The following AGGF1 variants were observed in gnomAD, a reference collection of about 807,000 sequenced individuals.
The protein encoded by AGGF1 is angiogenic factor with G-patch and FHA domains 1, also known as angiogenic factor with G patch and FHA domains 1.
A neutral mutation model predicts 86.5 loss-of-function variants in AGGF1; 56 were observed. The observed-to-expected ratio is 0.65, with a 90% confidence interval of 0.52 to 0.81. The LOEUF (loss-of-function observed/expected upper bound fraction) is 0.81, where lower values mean the gene tolerates loss of function less well. AGGF1 is among the 30% of genes least tolerant of loss of function. AGGF1 has a pLI of 0.00. For missense variants in AGGF1, 816 were observed against 850.9 expected, an observed-to-expected ratio of 0.96 and a Z score of 0.51; for synonymous variants, 313 against 297.1, an observed-to-expected ratio of 1.05 and a Z score of -0.55.
In AGGF1 at chr5:77,052,703, A is replaced by G. The variant is rs1048702478; in HGVS notation, c.1366-3A>G. ...TAATAATTGCTTGATTTCACTTTCT[A>G]AGTTTCATGCAGAAATTTATTTTGA... On this transcript the variant is annotated splice_region_variant and splice_polypyrimidine_tract_variant and intron_variant, in intron 8 of 13. Coordinates refer to ENST00000312916, the MANE Select transcript of AGGF1 (RefSeq NM_018046.5). 1.9e-6 allele frequency: 3 copies of G among 1,608,508 alleles called. No individual in the cohort carries two copies. Among genetic ancestry groups the G allele is most frequent in the Non-Finnish European group, 2.6e-6 (3 of 1,175,544 alleles).
chr5:77,046,744 A>C, intron 6 of AGGF1, 67 bp downstream of exon 6: 1 of 1,410,732 alleles, frequency 7.1e-7, no homozygotes, highest in South Asian at 1.2e-5. Context: ...AAAACCATTA[A>C]AAATGTTAGT....
rs575367148 is a variant in AGGF1, at chr5:77,048,318, A to G, written c.1313+46A>G. On this transcript the variant is annotated intron_variant, in intron 7 of 13. Transcript: ENST00000312916. Reference sequence around the variant, plus strand: ...ATATCATTCTTTCAGTTATTTCAGAAAGGCTTTATTAAGAGCATGTATTTT... The same window carrying G: ...ATATCATTCTTTCAGTTATTTCAGAGAGGCTTTATTAAGAGCATGTATTTT... 294 of 1,416,852 alleles carry G rather than the reference A, an allele frequency of 2.1e-4. 3 individuals are homozygous for G. The South Asian group carries it at 3.3e-3, about 16-fold the overall frequency. 87.8% of individuals were successfully genotyped at this position (1,416,852 alleles called of 1,614,324 possible). A position where few individuals can be genotyped will look rare whatever the true frequency, so the allele number is the denominator to read the frequency against.
At chr5:77,061,335 T>A (rs1747561371) in intron 12 of AGGF1, among the ~76,000 whole-genome samples, 1 of 152,212 alleles carries the variant, frequency 6.6e-6, no homozygotes. Context: ...ATTTATTTTG[T>A]GTCTATATTT....
At chr5:77,049,023 A>G (rs1312891543) in intron 8 of AGGF1, 36 bp downstream of exon 8, 2 of 1,596,174 alleles carry the variant, frequency 1.3e-6, no homozygotes, top group Admixed American at 1.7e-5. Context: ...AGTCCCCTAG[A>G]TGTAATTTTT....
At chr5:77,036,832 G>A (rs1444714436) in intron 4 of AGGF1, 112 bp downstream of exon 4, 1 of 1,168,082 alleles carries the variant, frequency 8.6e-7, no homozygotes, top group Non-Finnish European at 1.2e-6. Context: ...TCACCCCCCA[G>A]GTTCAAGTGA....
chr5:77,042,264 C>T (rs112291000), intron 5 of AGGF1, among the ~76,000 whole-genome samples: 33,352 of 143,042 alleles, frequency 0.23, 1,297 homozygotes, highest in Non-Finnish European at 0.26. Context: ...CCCACCTTTC[C>T]CGCCTTTCTA....
intron 10 of AGGF1, 68 bp from the exon 11 acceptor site, chr5:77,055,446 C>A (rs1580135212): frequency 4.1e-6 from 4 of 979,778 alleles, no homozygotes; most frequent in East Asian, 2.6e-5. Context: ...AATTAAATAA[C>A]ATTAGTTTTA....
chr5:77,046,761 T>C, intron 6 of AGGF1, 84 bp downstream of exon 6: 2 of 1,261,626 alleles, frequency 1.6e-6, no homozygotes, highest in Non-Finnish European at 2.3e-6. Context: ...TAGTGAGTTG[T>C]AGTATATCTG....
intron 5 of AGGF1, 91 bp downstream of exon 5, chr5:77,039,810 A>T (rs1376757171): frequency 1.8e-6 from 2 of 1,140,658 alleles, no homozygotes; most frequent in African/African-American, 3.1e-5. Context: ...TCATTCAATA[A>T]CTCTGCATTT....
At chr5:77,033,325 T>C (rs75137321) in intron 1 of AGGF1, among the ~76,000 whole-genome samples, 2,183 of 152,286 alleles carry the variant, frequency 0.014, 115 homozygotes, top group Admixed American at 0.092. Context: ...TGTCTGATAT[T>C]TTATGTGTAA....
chr5:77,044,199 A>C (rs1408840240), intron 5 of AGGF1, among the ~76,000 whole-genome samples: 1 of 150,110 alleles, frequency 6.7e-6, no homozygotes, highest in East Asian at 2.0e-4. Flanking sequence ...AGAGGCTGCA[A>C]TCTCGGCACT....
At chr5:77,057,537 G>A (rs533206834) in intron 11 of AGGF1, among the ~76,000 whole-genome samples, 1 of 152,298 alleles carries the variant, frequency 6.6e-6, no homozygotes, top group East Asian at 1.9e-4. Flanking sequence ...ACTATTCACT[G>A]GTTTCCAACT....
intron 5 of AGGF1, among the ~76,000 whole-genome samples, chr5:77,045,802 C>T (rs970331454): frequency 6.6e-6 from 1 of 152,204 alleles, no homozygotes; most frequent in Non-Finnish European, 1.5e-5. Flanking sequence ...CTCCATGTGG[C>T]TGTTGAGCAC....
At chr5:77,051,624 T>C (rs528582338) in intron 8 of AGGF1, among the ~76,000 whole-genome samples, 1 of 152,340 alleles carries the variant, frequency 6.6e-6, no homozygotes, top group Non-Finnish European at 1.5e-5. Flanking sequence ...TACAACCACT[T>C]TGGAAAACAG....
At chr5:77,049,058 T>C in intron 8 of AGGF1, 71 bp downstream of exon 8, 1 of 1,475,826 alleles carries the variant, frequency 6.8e-7, no homozygotes, top group South Asian at 1.2e-5. Context: ...AGTAGAAAGC[T>C]TAGGGATTTT....
intron 8 of AGGF1, among the ~76,000 whole-genome samples, chr5:77,049,785 T>G (rs1216201277): frequency 2.0e-5 from 3 of 152,128 alleles, no homozygotes; most frequent in Non-Finnish European, 4.4e-5. Flanking sequence ...ACTCCTGGGC[T>G]CAAGTGATCT....
intron 1 of AGGF1, among the ~76,000 whole-genome samples, chr5:77,032,360 G>T (rs971498859): frequency 6.6e-6 from 1 of 150,808 alleles, no homozygotes; most frequent in Non-Finnish European, 1.5e-5. Context: ...GAGGTCAGAA[G>T]ATCGAGACCA....
In AGGF1 at chr5:77,063,333, C is replaced by T. The variant is rs762367141; in HGVS notation, c.*81C>T. The T allele has an allele frequency of 1.2e-4, 165 of 1,341,832 alleles. No homozygotes were observed. Among genetic ancestry groups the T allele is most frequent in the Non-Finnish European group, 1.7e-4 (161 of 959,506 alleles). The allele number at this position is 1,341,832 out of a possible 1,614,324, so 83.1% of individuals were successfully genotyped here. A position where few individuals can be genotyped will look rare whatever the true frequency, so the allele number is the denominator to read the frequency against. On this transcript the variant is annotated 3_prime_UTR_variant, in exon 14 of 14. Transcript: ENST00000312916. Reference sequence around the variant, plus strand: ...TATTTTTTCTCCCCAAAAGAATCAGCAGCACAGGGGAACTATGTCACAGTT... The same window carrying T: ...TATTTTTTCTCCCCAAAAGAATCAGTAGCACAGGGGAACTATGTCACAGTT...
chr5:77,042,282 A>G (rs1747106811), intron 5 of AGGF1, among the ~76,000 whole-genome samples: 1 of 147,942 alleles, frequency 6.8e-6, no homozygotes, highest in African/African-American at 2.5e-5. Context: ...CTATTCCACA[A>G]AGCCGCCATT....
Sources: allele counts gnomAD v4.1 joint callset (sites outside exome capture counted in the v4.1 genomes callset), GRCh38; gene constraint gnomAD v4.1.1; transcripts MANE v1.5; gene names NCBI Gene and HGNC (gene_info 2026-07-23, HGNC 2026-07-21).